The following RBMS3 variants were observed in gnomAD, a reference collection of about 807,000 sequenced individuals.
The protein encoded by RBMS3 is RNA binding motif single stranded interacting protein 3.
In RBMS3, 27 loss-of-function variants were observed where a neutral mutation model predicts 66.8. That is an observed-to-expected ratio of 0.40 (90% CI 0.30 to 0.56). The LOEUF is 0.56. RBMS3 is among the 20% of genes least tolerant of loss of function. RBMS3 has a pLI of 0.40. For missense variants in RBMS3, 513 were observed against 549.5 expected (o/e 0.93, Z 0.66); for synonymous variants, 188 against 183.0 (o/e 1.03, Z -0.22).
rs552925914 is a variant in RBMS3 at position 29,901,418 on chromosome 3, A to G, written c.939+1663A>G. Among the ~76,000 whole-genome samples the G allele has an allele frequency of 4.4e-4, 67 of 151,964 alleles. 1 individual carries two copies. Among genetic ancestry groups the G allele is most frequent in the African/African-American group, 1.2e-3 (50 of 41,504 alleles). On this transcript the variant is annotated intron_variant, in intron 10 of 14. Coordinates refer to ENST00000383767, the MANE Select transcript of RBMS3 (RefSeq NM_001003793.3). ...CTCTTTGTGGCCAAAAGGAGTGCAC[A>G]TCTGGCAAAATCTGAATATTTTACC...
intron 4 of RBMS3, among the ~76,000 whole-genome samples, chr3:29,738,067 T>G (rs2054460939): frequency 6.6e-6 from 1 of 152,180 alleles, no homozygotes; most frequent in Admixed American, 6.5e-5. Context: ...TACATCATAT[T>G]CACTCCAAGT....
At chr3:29,987,170 A>G (rs1365735061) in intron 12 of RBMS3, among the ~76,000 whole-genome samples, 1 of 152,216 alleles carries the variant, frequency 6.6e-6, no homozygotes, top group Non-Finnish European at 1.5e-5. Flanking sequence ...ATTCCTCTAA[A>G]CTTTATGAAT....
At chr3:29,670,573 G>C (rs960209784) in intron 4 of RBMS3, among the ~76,000 whole-genome samples, 1 of 152,324 alleles carries the variant, frequency 6.6e-6, no homozygotes, top group Admixed American at 6.5e-5. Context: ...TTTTCCAATG[G>C]TCTTAGCAAA....
At chr3:29,407,134 C>T (rs2040054764) in intron 1 of RBMS3, among the ~76,000 whole-genome samples, 1 of 152,152 alleles carries the variant, frequency 6.6e-6, no homozygotes, top group Admixed American at 6.5e-5. Flanking sequence ...AACTTAAAAA[C>T]AAGAACAATA....
intron 1 of RBMS3, among the ~76,000 whole-genome samples, chr3:29,419,968 G>T (rs2040634642): frequency 6.6e-6 from 1 of 152,138 alleles, no homozygotes; most frequent in African/African-American, 2.4e-5. Flanking sequence ...TCTCAATTTA[G>T]CTTCTTACCG....
At chr3:29,372,706 T>C (rs1269954241) in intron 1 of RBMS3, among the ~76,000 whole-genome samples, 1 of 152,088 alleles carries the variant, frequency 6.6e-6, no homozygotes, top group Non-Finnish European at 1.5e-5. Context: ...AAAGCACATC[T>C]TTCTTGTGTG....
intron 4 of RBMS3, chr3:29,698,074 A>G: frequency 2.7e-6 from 1 of 373,638 alleles, no homozygotes; most frequent in South Asian, 1.1e-4. Context: ...CAACACAAAA[A>G]TCTTCATACT....
intron 10 of RBMS3, among the ~76,000 whole-genome samples, chr3:29,922,226 G>C (rs942382763): frequency 2.0e-5 from 3 of 152,078 alleles, no homozygotes; most frequent in African/African-American, 7.2e-5. Flanking sequence ...GGTGGCTCAC[G>C]CCTGTAATCC....
intron 4 of RBMS3, among the ~76,000 whole-genome samples, chr3:29,700,440 T>G (rs1252490146): frequency 6.6e-6 from 1 of 152,176 alleles, no homozygotes; most frequent in African/African-American, 2.4e-5. Context: ...GAATACATCT[T>G]TCCTACATCT....
chr3:29,745,886 C>A (rs1315563167), intron 5 of RBMS3, among the ~76,000 whole-genome samples: 1 of 134,046 alleles, frequency 7.5e-6, no homozygotes, highest in Non-Finnish European at 1.6e-5. Flanking sequence ...GTTTTTCTTT[C>A]TTTTCATTAA....
chr3:29,870,158 G>A (rs961581481), intron 7 of RBMS3, among the ~76,000 whole-genome samples: 1 of 152,106 alleles, frequency 6.6e-6, no homozygotes, highest in African/African-American at 2.4e-5. Flanking sequence ...CTCAACTTTA[G>A]AAAGGCAGTG....
intron 6 of RBMS3, among the ~76,000 whole-genome samples, chr3:29,803,529 C>A (rs2057452515): frequency 6.6e-6 from 1 of 151,996 alleles, no homozygotes; most frequent in Non-Finnish European, 1.5e-5. Context: ...TATCACCTAC[C>A]TTAATATAGT....
At chr3:29,820,992 A>G (rs1045503687) in intron 6 of RBMS3, among the ~76,000 whole-genome samples, 1 of 152,096 alleles carries the variant, frequency 6.6e-6, no homozygotes, top group East Asian at 1.9e-4. Context: ...TCAACCCTCT[A>G]CTAGAGATAC....
At chr3:29,538,197 A>G (rs747080781) in intron 3 of RBMS3, among the ~76,000 whole-genome samples, 1 of 152,226 alleles carries the variant, frequency 6.6e-6, no homozygotes, top group Non-Finnish European at 1.5e-5. Flanking sequence ...TAGGTAGAAG[A>G]TAATCAAATA....
intron 3 of RBMS3, among the ~76,000 whole-genome samples, chr3:29,503,879 A>G (rs1332339814): frequency 6.6e-6 from 1 of 152,124 alleles, no homozygotes; most frequent in African/African-American, 2.4e-5. Flanking sequence ...TAGTTTTGAC[A>G]TTGCCAGAAT....
chr3:29,504,672 GT>G (rs2044113161), intron 3 of RBMS3, among the ~76,000 whole-genome samples: 1 of 151,876 alleles, frequency 6.6e-6, no homozygotes, highest in Admixed American at 6.6e-5. Context: ...CCTCTATACT[GT>G]TTTCTCTAAT....
At chr3:29,487,357 G>A (rs1284031839) in intron 2 of RBMS3, among the ~76,000 whole-genome samples, 1 of 152,132 alleles carries the variant, frequency 6.6e-6, no homozygotes, top group Non-Finnish European at 1.5e-5. Flanking sequence ...GTGAGTATCT[G>A]TACAACTAGG....
In RBMS3 at chr3:29,796,992, G is replaced by A. The variant is rs557433590; in HGVS notation, c.637+34003G>A. On this transcript the variant is annotated intron_variant, in intron 6 of 14. Coordinates refer to ENST00000383767, the MANE Select transcript of RBMS3 (RefSeq NM_001003793.3). The stretch of plus-strand genomic sequence containing the variant: ...CACCCGAAGTGCTGGGATTACAGGC[G>A]TGAGCCACCGAGCCCGGCCACAATG... 3.9e-5 allele frequency among the ~76,000 whole-genome samples: 6 copies of A among 152,044 alleles called. 1 individual carries two copies. Among genetic ancestry groups the A allele is most frequent in the South Asian group, 4.2e-4 (2 of 4,790 alleles).
intron 4 of RBMS3, among the ~76,000 whole-genome samples, chr3:29,721,444 A>T (rs1421746046): frequency 6.6e-6 from 1 of 152,132 alleles, no homozygotes; most frequent in African/African-American, 2.4e-5. Flanking sequence ...TTGGCATGAC[A>T]GATTCTTTCA....
Sources: gnomAD v4.1 joint callset for allele counts (sites outside exome capture counted in the v4.1 genomes callset) on GRCh38, gnomAD v4.1.1 for gene constraint, MANE v1.5 for transcripts, NCBI Gene and HGNC (gene_info 2026-07-23, HGNC 2026-07-21) for gene names.